Variants in CAMK1D observed in about 807,000 individuals in gnomAD.
CAMK1D encodes calcium/calmodulin dependent protein kinase ID.
A neutral mutation model predicts 47.7 loss-of-function variants in CAMK1D; 9 were observed. The ratio of observed to expected loss-of-function variants is 0.19; its 90% confidence interval spans 0.11 to 0.33. CAMK1D has a LOEUF of 0.33. Among genes scored for constraint, CAMK1D ranks in the 10% least tolerant of loss-of-function variants. The pLI, the probability that CAMK1D is intolerant of heterozygous loss-of-function variation, is 1.00. For synonymous variants in CAMK1D, 184 were observed against 184.9 expected (o/e 0.99, Z 0.04); for missense variants, 291 against 488.7 (o/e 0.60, Z 3.81).
chr10:12,530,092 C>T (rs568295267), intron 1 of CAMK1D, among the ~76,000 whole-genome samples: 7 of 152,300 alleles, frequency 4.6e-5, no homozygotes, highest in East Asian at 1.9e-4. Context: ...TTCTAAGGGA[C>T]GGAATAGTAT....
intron 1 of CAMK1D, among the ~76,000 whole-genome samples, chr10:12,379,789 C>T (rs1311906611): frequency 6.6e-6 from 1 of 152,034 alleles, no homozygotes; most frequent in Non-Finnish European, 1.5e-5. Context: ...AATAAAATAA[C>T]TTAATTTGAG....
chr10:12,546,309 G>A (rs574367323), intron 1 of CAMK1D, among the ~76,000 whole-genome samples: 3 of 152,226 alleles, frequency 2.0e-5, no homozygotes, highest in African/African-American at 4.8e-5. Flanking sequence ...AGGAGCGGGC[G>A]GGCATTTGAG....
At position 12,615,639 on chromosome 10, in the gene CAMK1D, G is replaced by A. The variant is rs572796370; in HGVS notation, c.225-51097G>A. Among the ~76,000 whole-genome samples, 17 of 147,216 alleles carry A rather than the reference G, an allele frequency of 1.2e-4. No homozygotes were observed. The South Asian group carries it at 3.6e-3, about 31-fold the overall frequency. On this transcript the variant is annotated intron_variant, in intron 2 of 10. Transcript: ENST00000619168. ...ACGTATGTGTAGTGTGAGTGCACGT[G>A]TTTGTACAGGTATGTGTTTATTTGA...
intron 2 of CAMK1D, among the ~76,000 whole-genome samples, chr10:12,584,761 A>G (rs1318477294): frequency 1.3e-5 from 2 of 152,168 alleles, no homozygotes; most frequent in Admixed American, 1.3e-4. Context: ...TCAAAGCTGC[A>G]GTGAGCAATG....
intron 1 of CAMK1D, among the ~76,000 whole-genome samples, chr10:12,500,382 T>A (rs1834664778): frequency 6.6e-6 from 1 of 152,174 alleles, no homozygotes; most frequent in Admixed American, 6.5e-5. Context: ...TTGGCTTACC[T>A]CTTCTTAGAC....
chr10:12,575,805 A>G (rs1189554749), intron 2 of CAMK1D, among the ~76,000 whole-genome samples: 2 of 152,192 alleles, frequency 1.3e-5, no homozygotes, highest in African/African-American at 2.4e-5. Context: ...GGCTGGTTAA[A>G]TGGATTTGTG....
intron 2 of CAMK1D, among the ~76,000 whole-genome samples, chr10:12,638,304 C>T (rs1041377352): frequency 1.3e-5 from 2 of 152,182 alleles, no homozygotes; most frequent in Non-Finnish European, 2.9e-5. Flanking sequence ...ATACTCTAAG[C>T]CTGCTTGCTA....
At chr10:12,441,589 G>C (rs1310567542) in intron 1 of CAMK1D, among the ~76,000 whole-genome samples, 4 of 150,394 alleles carry the variant, frequency 2.7e-5, no homozygotes, top group East Asian at 2.0e-4. Context: ...GAGGCGGGTG[G>C]ATCACTGGAG....
intron 1 of CAMK1D, among the ~76,000 whole-genome samples, chr10:12,407,578 C>T (rs1839483225): frequency 1.3e-5 from 2 of 152,210 alleles, no homozygotes; most frequent in South Asian, 4.1e-4. Flanking sequence ...CTCTCTGAGA[C>T]CCTGAGGGCA....
intron 2 of CAMK1D, among the ~76,000 whole-genome samples, chr10:12,616,898 A>G (rs902701263): frequency 1.1e-4 from 16 of 152,180 alleles, no homozygotes; most frequent in East Asian, 3.9e-4. Context: ...TCCATACATT[A>G]TAACTGTTGA....
chr10:12,563,027 A>G (rs796304645), intron 2 of CAMK1D, among the ~76,000 whole-genome samples: 2 of 152,220 alleles, frequency 1.3e-5, no homozygotes, highest in Non-Finnish European at 2.9e-5. Context: ...ATACACAAAA[A>G]GATTTATTAT....
chr10:12,615,227 C>T (rs1446714047), intron 2 of CAMK1D, among the ~76,000 whole-genome samples: 1 of 152,200 alleles, frequency 6.6e-6, no homozygotes, highest in Non-Finnish European at 1.5e-5. Flanking sequence ...CCAGGTCCCT[C>T]AGGTGATTGG....
intron 2 of CAMK1D, among the ~76,000 whole-genome samples, chr10:12,647,233 C>T (rs1265976326): frequency 6.7e-6 from 1 of 149,030 alleles, no homozygotes; most frequent in East Asian, 2.0e-4. Flanking sequence ...TCACTGCAAC[C>T]TCTGTTCCCA....
At chr10:12,378,582 T>C (rs962028460) in intron 1 of CAMK1D, among the ~76,000 whole-genome samples, 3 of 151,758 alleles carry the variant, frequency 2.0e-5, no homozygotes, top group Non-Finnish European at 4.4e-5. Flanking sequence ...CATTTTCATT[T>C]CACACTGGGT....
In CAMK1D at chr10:12,835,003, G is replaced by C. The variant is rs1373305096; in HGVS notation, c.*6116G>C. The C allele has an allele frequency of 1.3e-5, 2 of 152,226 alleles. No individual in the cohort carries two copies. The highest frequency in any genetic ancestry group is 4.8e-5 in the African/African-American group (2 of 41,446). The allele number at this position is 152,226 out of a possible 1,614,324, so 9.4% of individuals were successfully genotyped here. On this transcript the variant is annotated 3_prime_UTR_variant, in exon 11 of 11. Transcript: ENST00000619168. ...CCCTATCAGAGGGACATGAAATGCT[G>C]TCCGAATGGTGGCAGAAATGCAGCG... is the stretch of plus-strand genomic sequence containing the variant.
In CAMK1D at chr10:12,649,206, G is replaced by A. The variant is rs907548497; in HGVS notation, c.225-17530G>A. On this transcript the variant is annotated intron_variant, in intron 2 of 10. Coordinates refer to ENST00000619168, the MANE Select transcript of CAMK1D (RefSeq NM_153498.4). ...ACAATCTGTGCTTTGCCAAGTTGGCGTACACACTAACACAGAGAGGCAGTT... is the reference window on the plus strand; with the variant it reads ...ACAATCTGTGCTTTGCCAAGTTGGCATACACACTAACACAGAGAGGCAGTT... Among the ~76,000 whole-genome samples the A allele has an allele frequency of 3.3e-5, 5 of 152,310 alleles. No homozygotes were observed. In the East Asian group the frequency reaches 7.7e-4, roughly 23 times the overall value.
At chr10:12,673,804 A>G (rs1250263000) in intron 3 of CAMK1D, among the ~76,000 whole-genome samples, 5 of 152,218 alleles carry the variant, frequency 3.3e-5, no homozygotes, top group Non-Finnish European at 5.9e-5. Context: ...TGGATATATC[A>G]GAATTAACAC....
chr10:12,799,663 C>A (rs1351534899), intron 6 of CAMK1D, among the ~76,000 whole-genome samples: 1 of 152,166 alleles, frequency 6.6e-6, no homozygotes, highest in Non-Finnish European at 1.5e-5. Flanking sequence ...CAGGTGTGCG[C>A]TCAGTTTCAC....
chr10:12,784,804 G>T (rs1197355927), intron 5 of CAMK1D, among the ~76,000 whole-genome samples: 3 of 152,198 alleles, frequency 2.0e-5, no homozygotes, highest in African/African-American at 4.8e-5. Context: ...GAATTTGGAA[G>T]ACATTTTTCC....
Sources: allele counts gnomAD v4.1 joint callset (sites outside exome capture counted in the v4.1 genomes callset), GRCh38; gene constraint gnomAD v4.1.1; transcripts MANE v1.5; gene names NCBI Gene and HGNC (gene_info 2026-07-23, HGNC 2026-07-21).